The following MLLT3 variants were observed in gnomAD, a reference collection of about 807,000 sequenced individuals.
The protein encoded by MLLT3 is MLLT3 super elongation complex subunit, also known as protein AF-9.
MLLT3 carries 4 observed loss-of-function variants against 53.2 expected under a neutral mutation model. The ratio of observed to expected loss-of-function variants is 0.08; its 90% CI spans 0.04 to 0.17. MLLT3 has a LOEUF of 0.17. Among genes scored for constraint, MLLT3 ranks in the 10% least tolerant of loss-of-function variants. The pLI is 1.00. For synonymous variants in MLLT3, 283 were observed against 230.6 expected, an observed-to-expected ratio of 1.23 and a Z score of -2.06; for missense variants, 569 against 684.0, an observed-to-expected ratio of 0.83 and a Z score of 1.87.
At chr9:20,545,409 G>T (rs1338133091) in intron 2 of MLLT3, among the ~76,000 whole-genome samples, 1 of 152,186 alleles carries the variant, frequency 6.6e-6, no homozygotes, top group Non-Finnish European at 1.5e-5. Flanking sequence ...CTGGGGTGAA[G>T]GGGAGGGGAT....
intron 5 of MLLT3, among the ~76,000 whole-genome samples, chr9:20,391,910 A>G (rs1176176372): frequency 1.3e-5 from 2 of 152,202 alleles, no homozygotes; most frequent in African/African-American, 4.8e-5. Flanking sequence ...TTATTTTACT[A>G]TTAATATAAT....
At chr9:20,479,076 T>C (rs988526686) in intron 2 of MLLT3, among the ~76,000 whole-genome samples, 8 of 152,178 alleles carry the variant, frequency 5.3e-5, no homozygotes, top group Non-Finnish European at 1.2e-4. Context: ...CCTTCTCTTA[T>C]GTGATTCCCA....
chr9:20,429,636 T>C (rs910613593), intron 4 of MLLT3, among the ~76,000 whole-genome samples: 2 of 152,202 alleles, frequency 1.3e-5, no homozygotes, highest in Non-Finnish European at 2.9e-5. Context: ...ACAAAAATGC[T>C]TGTCAAGCAC....
intron 2 of MLLT3, among the ~76,000 whole-genome samples, chr9:20,586,861 A>G (rs1335323003): frequency 6.6e-6 from 1 of 152,192 alleles, no homozygotes; most frequent in Non-Finnish European, 1.5e-5. Context: ...AGAAAGAACT[A>G]TTCCTAGTAT....
At chr9:20,415,106 T>G (rs896680400) in intron 4 of MLLT3, among the ~76,000 whole-genome samples, 5 of 152,036 alleles carry the variant, frequency 3.3e-5, no homozygotes, top group African/African-American at 9.7e-5. Flanking sequence ...ATATAAGGAA[T>G]CATAAAACCC....
intron 4 of MLLT3, among the ~76,000 whole-genome samples, chr9:20,446,975 A>G (rs963793081): frequency 1.3e-5 from 2 of 152,184 alleles, no homozygotes; most frequent in Admixed American, 6.5e-5. Context: ...GAAATATGGT[A>G]AAAGTACTTG....
chr9:20,603,072 C>A (rs1820472082), intron 2 of MLLT3, among the ~76,000 whole-genome samples: 1 of 152,022 alleles, frequency 6.6e-6, no homozygotes, highest in African/African-American at 2.4e-5. Flanking sequence ...CACCTAAAAT[C>A]TGCCTCTAAT....
chr9:20,483,785 G>A lies in MLLT3; in HGVS notation c.194-26999C>T, dbSNP rs374002913. ...TGCAGTGGCGCCATCTTGGCTCACT[G>A]CAAGGTCCGCCTCCCGAGTTCACGC... On this transcript the variant is annotated intron_variant, in intron 2 of 10. Coordinates refer to ENST00000380338, the MANE Select transcript of MLLT3 (RefSeq NM_004529.4). Among the ~76,000 whole-genome samples the A allele has an allele frequency of 2.8e-3, 384 of 136,236 alleles. 12 individuals carry two copies. The South Asian group carries it at 0.08, about 28-fold the overall frequency. 89.4% of individuals were successfully genotyped at this position (136,236 alleles called of 152,430 possible).
chr9:20,563,294 A>G (rs1000015841), intron 2 of MLLT3, among the ~76,000 whole-genome samples: 1 of 72,758 alleles, frequency 1.4e-5, no homozygotes, highest in Non-Finnish European at 4.3e-5. Flanking sequence ...TATCTAAAAC[A>G]CTTTTTTTTT....
chr9:20,551,180 A>T lies in MLLT3; in HGVS notation c.193+69474T>A, dbSNP rs184839407. Among the ~76,000 whole-genome samples the T allele has an allele frequency of 9.8e-5, 15 of 152,370 alleles. No individual in the cohort carries two copies. The East Asian group carries it at 2.9e-3, about 29-fold the overall frequency. ...TTGCCTTTAGCAGCCAGCAGATATG[A>T]AAGTAAAAGGAACAATCCCAATCCT... On this transcript the variant is annotated intron_variant, in intron 2 of 10. Transcript: ENST00000380338.
At chr9:20,499,938 C>T (rs1825177487) in intron 2 of MLLT3, among the ~76,000 whole-genome samples, 1 of 152,192 alleles carries the variant, frequency 6.6e-6, no homozygotes, top group Non-Finnish European at 1.5e-5. Flanking sequence ...AATGCAGTGA[C>T]AACTCTAAAT....
chr9:20,575,329 G>A (rs1398388843), intron 2 of MLLT3, among the ~76,000 whole-genome samples: 1 of 152,270 alleles, frequency 6.6e-6, no homozygotes, highest in East Asian at 1.9e-4. Context: ...ATCTATGGCA[G>A]CTATAGCCAT....
intron 2 of MLLT3, among the ~76,000 whole-genome samples, chr9:20,463,669 C>T: frequency 6.6e-6 from 1 of 151,982 alleles, no homozygotes; most frequent in East Asian, 1.9e-4. Context: ...GATGTCCAGG[C>T]TAATATGATG....
intron 2 of MLLT3, among the ~76,000 whole-genome samples, chr9:20,489,958 A>G (rs1269542348): frequency 6.6e-6 from 1 of 152,200 alleles, no homozygotes; most frequent in Non-Finnish European, 1.5e-5. Flanking sequence ...CAAGCTAACA[A>G]CCAATGGCAA....
At chr9:20,560,452 A>G (rs1294702387) in intron 2 of MLLT3, among the ~76,000 whole-genome samples, 1 of 152,230 alleles carries the variant, frequency 6.6e-6, no homozygotes, top group Non-Finnish European at 1.5e-5. Flanking sequence ...CTGAGCACCC[A>G]TTATGAGCCA....
chr9:20,365,391 G>A (rs920019853), intron 6 of MLLT3, among the ~76,000 whole-genome samples: 2 of 152,154 alleles, frequency 1.3e-5, no homozygotes, highest in African/African-American at 4.8e-5. Context: ...CCAGGCTGGA[G>A]TGCAGTGGCG....
intron 5 of MLLT3, chr9:20,411,159 G>C (rs768343089): frequency 6.6e-6 from 1 of 152,534 alleles, no homozygotes; most frequent in Non-Finnish European, 1.5e-5. Flanking sequence ...GGTAACAGGG[G>C]ATACTTGTAA....
chr9:20,398,331 A>C (rs540220507), intron 5 of MLLT3, among the ~76,000 whole-genome samples: 181 of 152,232 alleles, frequency 1.2e-3, no homozygotes, highest in African/African-American at 4.1e-3. Context: ...CTCCTGCCTC[A>C]GCTTCCCAAA....
At position 20,448,025 on chromosome 9, in the gene MLLT3, T is replaced by G; in HGVS notation, c.420+98A>C. ...CATTTCTTTTACCTCTCCCAAAACC[T>G]TATACTTTTTAACACATGAGGAACT... is the stretch of plus-strand genomic sequence containing the variant. On this transcript the variant is annotated intron_variant, in intron 4 of 10. Coordinates refer to ENST00000380338, the MANE Select transcript of MLLT3 (RefSeq NM_004529.4). This position sits in a 1 kb window ranked among gnomAD's most constrained non-coding sequence, Gnocchi z 4.0. 2 of 1,370,212 alleles carry G rather than the reference T, an allele frequency of 1.5e-6. No individual in the cohort carries two copies. Among genetic ancestry groups the G allele is most frequent in the Middle Eastern group, 1.9e-4 (1 of 5,282 alleles). 84.9% of individuals were successfully genotyped at this position (1,370,212 alleles called of 1,614,324 possible).
Sources: allele counts gnomAD v4.1 joint callset (sites outside exome capture counted in the v4.1 genomes callset), GRCh38; gene constraint gnomAD v4.1.1; non-coding constraint Gnocchi (gnomAD v3.1); transcripts MANE v1.5; gene names NCBI Gene and HGNC (gene_info 2026-07-23, HGNC 2026-07-21).